ELN: variants seen among roughly 807,000 people sequenced by gnomAD.
ELN encodes the protein tropoelastin.
A neutral mutation model predicts 105.8 loss-of-function variants in ELN; 65 were observed. That is an observed-to-expected ratio of 0.61 (90% CI 0.50 to 0.75). The LOEUF is 0.75. Ranked by LOEUF, ELN falls within the 30% of genes least tolerant of loss-of-function variation. The pLI, the probability that ELN is intolerant of heterozygous loss-of-function variation, is 0.00. For synonymous variants in ELN, 368 were observed against 389.2 expected (o/e 0.95, Z 0.64); for missense variants, 882 against 969.4 (o/e 0.91, Z 1.20).
chr7:74,039,951 G>A (rs1377040046), intron 4 of ELN, among the ~76,000 whole-genome samples: 6 of 152,194 alleles, frequency 3.9e-5, no homozygotes, highest in Non-Finnish European at 8.8e-5. Context: ...CCAGGTCCCT[G>A]GACTCCCAGC....
rs915860758 is a variant in ELN, at chr7:74,046,815, G to A, written c.643+48G>A. 3.8e-6 allele frequency: 6 copies of A among 1,597,222 alleles called. No individual in the cohort carries two copies. In the South Asian group the frequency reaches 4.4e-5, roughly 12 times the overall value. ...GATGCACCACTCGGCCGGGTGTGGT[G>A]GTTCACACCTGTAATCCCAGCACTT... On this transcript the variant is annotated intron_variant, in intron 12 of 32. Coordinates refer to ENST00000252034, the MANE Select transcript of ELN (RefSeq NM_000501.4).
chr7:74,062,477 AT>A (rs1353964065), intron 26 of ELN, among the ~76,000 whole-genome samples: 5 of 152,220 alleles, frequency 3.3e-5, no homozygotes, highest in African/African-American at 1.2e-4. Flanking sequence ...GCTGCAATGC[AT>A]AAAAAATGGG....
intron 4 of ELN, chr7:74,037,996 A>T: frequency 9.7e-6 from 5 of 515,268 alleles, no homozygotes; most frequent in Middle Eastern, 5.5e-4. Flanking sequence ...TCTACCCTAC[A>T]TGTGCATGTG....
At chr7:74,054,249 C>A (rs1554678165) in intron 18 of ELN, among the ~76,000 whole-genome samples, 1 of 152,012 alleles carries the variant, frequency 6.6e-6, no homozygotes, top group East Asian at 1.9e-4. Flanking sequence ...GGGCGGATCA[C>A]CTGAGGTGAG....
intron 10 of ELN, 59 bp downstream of exon 10, chr7:74,045,352 C>T: frequency 1.9e-6 from 3 of 1,598,216 alleles, no homozygotes; most frequent in South Asian, 2.2e-5. Context: ...CCTTCTGGCC[C>T]CGGGTGTGAA....
In ELN at chr7:74,063,330, G is replaced by A. The variant is rs552662894; in HGVS notation, c.1879G>A (p.Ala627Thr). The A allele has an allele frequency of 3.0e-5, 47 of 1,550,746 alleles. No homozygotes were observed. The highest frequency in any genetic ancestry group is 4.8e-5 in the East Asian group (2 of 41,310). ...CCCAGGAGCCGGACCCGCCGCCGCC[G>A]CTGCCGCAGCCAAAGCTGCTGCCAA... ...GVVGAGPAAA[A>T]AAAKAAAKAA... Residue 627 changes from alanine to threonine, a missense_variant, in exon 28 of 33, where the codon GCT becomes ACT. Ala to Thr is a moderately conservative substitution (Grantham distance 58). Transcript: ENST00000252034. This position sits in a 1 kb window ranked among gnomAD's most constrained non-coding sequence, Gnocchi z 4.1.
At chr7:74,031,793 AAGAAAGAG>A (rs1211106465) in intron 1 of ELN, among the ~76,000 whole-genome samples, 12 of 150,780 alleles carry the variant, frequency 8.0e-5, no homozygotes, top group African/African-American at 2.5e-4. Context: ...AAGAAAAAGA[AAGAAAGAG>A]AGAGAGAGAG....
In ELN at chr7:74,042,925, G is replaced by A. The variant is rs28763981; in HGVS notation, c.326-59G>A. 0.054 allele frequency: 87,531 copies of A among 1,613,604 alleles called. 2,687 individuals are homozygous for A. Among genetic ancestry groups the A allele is most frequent in the Middle Eastern group, 0.064 (390 of 6,056 alleles). The stretch of plus-strand genomic sequence containing the variant: ...TGCTGGGCCCTCAGCATGCAGCCCC[G>A]GGCCCTTCTGCCTCCCCACTGTTCC... On this transcript the variant is annotated intron_variant, in intron 6 of 32. Transcript: ENST00000252034.
intron 26 of ELN, 47 bp downstream of exon 26, chr7:74,061,186 T>C: frequency 6.2e-7 from 1 of 1,612,048 alleles, no homozygotes; most frequent in Non-Finnish European, 8.5e-7. Context: ...CACCACACCA[T>C]CCCTGACAGC....
In ELN at chr7:74,063,771, A is replaced by AGAGACT. The variant is rs1353683608; in HGVS notation, c.1993+77_1993+82dup. On this transcript the variant is annotated intron_variant, in intron 29 of 32. Transcript: ENST00000252034. This position sits in a 1 kb window ranked among gnomAD's most constrained non-coding sequence, Gnocchi z 4.1. ...CAGAGATGGAGACAGAGACAGAGACAGAGACTTTCGTTCCCACCCCTGGCA... is the reference window on the plus strand; with the variant it reads ...CAGAGATGGAGACAGAGACAGAGACAGAGACTGAGACTTTCGTTCCCACCCCTGGCA... 10 of 1,601,614 alleles carry AGAGACT rather than the reference A, an allele frequency of 6.2e-6. No homozygotes were observed. The highest frequency in any genetic ancestry group is 7.7e-6 in the Non-Finnish European group (9 of 1,169,452).
Position 74,063,413 on chromosome 7 carries a change from C to T in ELN, c.1918+44C>T, listed in dbSNP as rs370226304. ...TGGGAGCTGCCGCCAGGCCCCCAGGCCCCCAGGGTGTGGGAGGAGCTTCTG... is the reference window on the plus strand; with the variant it reads ...TGGGAGCTGCCGCCAGGCCCCCAGGTCCCCAGGGTGTGGGAGGAGCTTCTG... On this transcript the variant is annotated intron_variant, in intron 28 of 32. Coordinates refer to ENST00000252034, the MANE Select transcript of ELN (RefSeq NM_000501.4). The surrounding 1 kb of genome is among the most constrained non-coding windows in gnomAD (Gnocchi z 4.1). 1.7e-4 allele frequency: 263 copies of T among 1,544,962 alleles called. 1 individual carries two copies. In the African/African-American group the frequency reaches 3.0e-3, roughly 18 times the overall value.
chr7:74,042,816 T>G lies in ELN; in HGVS notation c.325+110T>G, dbSNP rs1424954645. The G allele has an allele frequency of 2.3e-5, 35 of 1,533,426 alleles. No individual in the cohort carries two copies. In the East Asian group the frequency reaches 8.1e-4, roughly 35 times the overall value. 95.0% of individuals were successfully genotyped at this position (1,533,426 alleles called of 1,614,324 possible). A position where few individuals can be genotyped will look rare whatever the true frequency, so the allele number is the denominator to read the frequency against. On this transcript the variant is annotated intron_variant, in intron 6 of 32. Coordinates refer to ENST00000252034, the MANE Select transcript of ELN (RefSeq NM_000501.4). ...GGCTTGGGAGCCGGGTGGGTGGGAT[T>G]GTCAGTTGCAATCTACTGGGGCTCA...
At position 74,069,146 on chromosome 7, in the gene ELN, T is replaced by C; in HGVS notation, c.*446T>C. 3.5e-6 allele frequency: 1 copy of C among 288,518 alleles called. No homozygotes were observed. The highest frequency in any genetic ancestry group is 6.7e-6 in the Non-Finnish European group (1 of 150,314). The allele number at this position is 288,518 out of a possible 1,614,324, so 17.9% of individuals were successfully genotyped here. Reference sequence around the variant, plus strand: ...TCCCCCTGCCCACCAGGACCCACCGTTGGCTGCCATCCAGTTGGTACCCAA... The same window carrying C: ...TCCCCCTGCCCACCAGGACCCACCGCTGGCTGCCATCCAGTTGGTACCCAA... On this transcript the variant is annotated 3_prime_UTR_variant, in exon 33 of 33. Coordinates refer to ENST00000252034, the MANE Select transcript of ELN (RefSeq NM_000501.4).
At position 74,042,996 on chromosome 7, in the gene ELN, G is replaced by T. The variant is rs531401757; in HGVS notation, c.338G>T (p.Gly113Val). 2.5e-6 allele frequency: 4 copies of T among 1,614,056 alleles called. No homozygotes were observed. The highest frequency in any genetic ancestry group is 3.4e-6 in the Non-Finnish European group (4 of 1,180,042). ...YKAAKAGAGL[G>V]GVPGVGGLGV... ...CCTGGCTCTGCAGGCGCTGGGCTTG[G>T]TGGTGTCCCAGGAGTTGGTGGCTTA... The change falls in exon 7 of 33, where the codon GGT becomes GTT. Residue 113 changes from glycine to valine, a missense_variant. Gly to Val is a moderately radical substitution (Grantham distance 109). Coordinates refer to ENST00000252034, the MANE Select transcript of ELN (RefSeq NM_000501.4).
chr7:74,029,370 G>C (rs1554660922), intron 1 of ELN, among the ~76,000 whole-genome samples: 1 of 152,158 alleles, frequency 6.6e-6, no homozygotes, highest in African/African-American at 2.4e-5. Flanking sequence ...AGTTGGTTAT[G>C]GGGTTTGAGG....
intron 1 of ELN, among the ~76,000 whole-genome samples, chr7:74,032,248 C>T (rs1788868557): frequency 6.6e-6 from 1 of 152,192 alleles, no homozygotes; most frequent in African/African-American, 2.4e-5. Flanking sequence ...CAAGTGTTCT[C>T]CAGGCCAACT....
intron 4 of ELN, among the ~76,000 whole-genome samples, chr7:74,038,279 G>A (rs1174771958): frequency 6.6e-6 from 1 of 152,172 alleles, no homozygotes. Context: ...CCCAGCCCAA[G>A]CCCTGAGCCT....
At chr7:74,031,542 G>A (rs144138993) in intron 1 of ELN, among the ~76,000 whole-genome samples, 13 of 152,188 alleles carry the variant, frequency 8.5e-5, no homozygotes, top group Non-Finnish European at 1.6e-4. Flanking sequence ...GACAGGACTC[G>A]GTTGGGGGTG....
At chr7:74,044,555 G>A (rs375542792) in intron 9 of ELN, among the ~76,000 whole-genome samples, 1 of 152,180 alleles carries the variant, frequency 6.6e-6, no homozygotes, top group Non-Finnish European at 1.5e-5. Flanking sequence ...TCACCAAGGG[G>A]CCACCCAATG....
Sources: gnomAD v4.1 joint callset for allele counts (sites outside exome capture counted in the v4.1 genomes callset) on GRCh38, gnomAD v4.1.1 for gene constraint, Gnocchi (gnomAD v3.1) non-coding constraint, MANE v1.5 for transcripts, NCBI Gene and HGNC (gene_info 2026-07-23, HGNC 2026-07-21) for gene names.